EHBP1L1: variants seen among roughly 807,000 people sequenced by gnomAD.
EHBP1L1 encodes the protein EH domain binding protein 1 like 1.
In EHBP1L1, 122 loss-of-function variants were observed where a neutral mutation model predicts 151.1. The observed-to-expected ratio is 0.81, with a 90% CI of 0.70 to 0.94. EHBP1L1 has a LOEUF of 0.94. Among genes scored for constraint, EHBP1L1 ranks in the 40% least tolerant of loss-of-function variants. The pLI is 0.00. For synonymous variants in EHBP1L1, 878 were observed against 810.1 expected, an observed-to-expected ratio of 1.08 and a Z score of -1.42; for missense variants, 1,941 against 1,959.8, an observed-to-expected ratio of 0.99 and a Z score of 0.18.
At chr11:65,587,244 A>T (rs1035706349) in intron 12 of EHBP1L1, among the ~76,000 whole-genome samples, 4 of 152,142 alleles carry the variant, frequency 2.6e-5, no homozygotes, top group Non-Finnish European at 4.4e-5. Context: ...ATGGTGGTAC[A>T]GGCCTGTAGT....
intron 16 of EHBP1L1, 29 bp downstream of exon 16, chr11:65,590,621 A>C (rs1249571687): frequency 1.2e-6 from 2 of 1,600,788 alleles, no homozygotes; most frequent in Non-Finnish European, 1.7e-6. Flanking sequence ...CCAGGAGAGC[A>C]GAGGGACTCT....
Position 65,580,170 on chromosome 11 carries a change from G to A in EHBP1L1, c.402G>A (p.Arg134=). ...AGPVPVQVPV[R]LRLKPKSVKV... ...CCGTGCCTGTCCAAGTCCCAGTGAG[G>A]CTGCGGCTGAAGCCAAAGTCAGTGA... The change falls in exon 5 of 19, where the codon AGG becomes AGA. Residue 134 remains arginine, a synonymous_variant. Coordinates refer to ENST00000309295, the MANE Select transcript of EHBP1L1 (RefSeq NM_001099409.3). 6.2e-7 allele frequency: 1 copy of A among 1,613,582 alleles called. No homozygotes were observed. Among genetic ancestry groups the A allele is most frequent in the South Asian group, 1.1e-5 (1 of 91,084 alleles).
At position 65,576,378 on chromosome 11, in the gene EHBP1L1, G is replaced by C. The variant is rs1043243036; in HGVS notation, c.76G>C (p.Glu26Gln). The C allele has an allele frequency of 5.6e-6, 9 of 1,593,242 alleles. No individual in the cohort carries two copies. Among genetic ancestry groups the C allele is most frequent in the Non-Finnish European group, 7.7e-6 (9 of 1,170,376 alleles). ...AKFQFVACYH[E>Q]LVLECTKKWQ... ...GTTCCAGTTCGTGGCCTGTTACCAC[G>C]AGCTAGTGTTGGAGTGCACCAAGAA... is the stretch of plus-strand genomic sequence containing the variant. The change falls in exon 1 of 19, where the codon GAG (glutamate) becomes CAG (glutamine). Residue 26 changes from glutamate to glutamine, a missense_variant. By Grantham distance (29) the Glu-to-Gln change is conservative (BLOSUM62 2). Coordinates refer to ENST00000309295, the MANE Select transcript of EHBP1L1 (RefSeq NM_001099409.3).
intron 1 of EHBP1L1, among the ~76,000 whole-genome samples, chr11:65,576,759 G>A (rs1590808701): frequency 6.6e-6 from 1 of 152,148 alleles, no homozygotes; most frequent in African/African-American, 2.4e-5. Flanking sequence ...ATCAAGTTTT[G>A]AGGTCTGCAG....
rs1857649310 is a variant in EHBP1L1 at position 65,582,189 on chromosome 11, G to A, written c.1517G>A (p.Arg506Lys). The part of the protein sequence containing the change: ...EGARAAAGQE[R>K]EGAEVRGGAP... The stretch of plus-strand genomic sequence containing the variant: ...GCCAGGGCTGCTGCAGGCCAGGAGA[G>A]AGAGGGTGCAGAAGTGAGGGGTGGA... Residue 506 changes from arginine to lysine, a missense_variant, in exon 9 of 19, where the codon AGA becomes AAA. Physicochemically the swap from Arg to Lys is conservative, Grantham distance 26 (BLOSUM62 2). Transcript: ENST00000309295. The A allele has an allele frequency of 6.4e-7, 1 of 1,556,658 alleles. No individual in the cohort carries two copies. The highest frequency in any genetic ancestry group is 2.0e-5 in the Admixed American group (1 of 50,608).
rs759898126 is a variant in EHBP1L1 at position 65,581,354 on chromosome 11, G to A, written c.847G>A (p.Glu283Lys). 89 of 1,577,204 alleles carry A rather than the reference G, an allele frequency of 5.6e-5. No individual in the cohort carries two copies. The highest frequency in any genetic ancestry group is 7.2e-5 in the Non-Finnish European group (84 of 1,165,276). The change falls in exon 8 of 19, where the codon GAA (glutamate) becomes AAA (lysine). Residue 283 changes from glutamate (E) to lysine (K), a missense_variant. Physicochemically the swap from Glu to Lys is moderately conservative, Grantham distance 56 (BLOSUM62 1). Transcript: ENST00000309295. ...QVGPEAPRPP[E>K]TSPEMRSSRQ... ...AGGCCCTGAGGCCCCAAGGCCCCCG[G>A]AAACCTCACCAGAGATGAGGTGAGC...
Position 65,592,092 on chromosome 11 carries a change from T to G in EHBP1L1, c.4472+2T>G. 1 of 1,612,654 alleles carries G rather than the reference T, an allele frequency of 6.2e-7. No individual in the cohort carries two copies. ...GGACCTGGACCACAAGGAGCGGATGTGAGTGGCGCTGGGCGGCGCTGGGAG... is the reference window on the plus strand; with the variant it reads ...GGACCTGGACCACAAGGAGCGGATGGGAGTGGCGCTGGGCGGCGCTGGGAG... On this transcript the variant is annotated splice_donor_variant, in intron 18 of 18. Coordinates refer to ENST00000309295, the MANE Select transcript of EHBP1L1 (RefSeq NM_001099409.3). LOFTEE classifies it high-confidence loss of function.
At chr11:65,584,878 C>T in intron 11 of EHBP1L1, 81 bp from the exon 12 acceptor site, 2 of 1,487,690 alleles carry the variant, frequency 1.3e-6, no homozygotes, top group South Asian at 2.6e-5. Context: ...CCCGGGGACC[C>T]CCTCCGTGGG....
chr11:65,580,364 C>G lies in EHBP1L1; in HGVS notation c.519C>G (p.Ser173Arg). Reference sequence around the variant, plus strand: ...ACGATGACATGCAGAGTCTCGCAAGCCTCATGAGTGTGAAGCCTAGTGATG... The same window carrying G: ...ACGATGACATGCAGAGTCTCGCAAGGCTCATGAGTGTGAAGCCTAGTGATG... ...ATDDDMQSLA[S>R]LMSVKPSDVG... Residue 173 changes from serine (S) to arginine (R), a missense_variant, in exon 6 of 19, where the codon AGC becomes AGG. Physicochemically the swap from Ser to Arg is moderately radical, Grantham distance 110 (BLOSUM62 -1). Coordinates refer to ENST00000309295, the MANE Select transcript of EHBP1L1 (RefSeq NM_001099409.3). 1 of 1,613,826 alleles carries G rather than the reference C, an allele frequency of 6.2e-7. No homozygotes were observed. The highest frequency in any genetic ancestry group is 8.5e-7 in the Non-Finnish European group (1 of 1,179,856).
At position 65,585,641 on chromosome 11, in the gene EHBP1L1, G is replaced by A; in HGVS notation, c.3933+50G>A. On this transcript the variant is annotated intron_variant, in intron 12 of 18. Transcript: ENST00000309295. This position sits in a 1 kb window ranked among gnomAD's most constrained non-coding sequence, Gnocchi z 4.0. ...TCCCCCGCCGCAGCGCGGGGTCCCG[G>A]GAAGATGGGCAGAGAACGGGCGAGC... 6.5e-7 allele frequency: 1 copy of A among 1,531,202 alleles called. No individual in the cohort carries two copies. The highest frequency in any genetic ancestry group is 1.2e-5 in the South Asian group (1 of 84,110). 94.9% of individuals were successfully genotyped at this position (1,531,202 alleles called of 1,614,324 possible).
rs748009534 is a variant in EHBP1L1 at position 65,582,650 on chromosome 11, G to A, written c.1978G>A (p.Gly660Ser). 5 of 1,613,526 alleles carry A rather than the reference G, an allele frequency of 3.1e-6. No homozygotes were observed. The South Asian group carries it at 4.4e-5, about 14-fold the overall frequency. Reference sequence around the variant, plus strand: ...GGGGACCCAGAAAACAGAAGCTGGGGGTTCAGGAGTTTTGCAGACAAGAAC... The same window carrying A: ...GGGGACCCAGAAAACAGAAGCTGGGAGTTCAGGAGTTTTGCAGACAAGAAC... ...VLGTQKTEAG[G>S]SGVLQTRTTI... Residue 660 changes from glycine (G) to serine (S), a missense_variant, in exon 9 of 19, where the codon GGT (glycine) becomes AGT (serine). By Grantham distance (56) the Gly-to-Ser change is moderately conservative (BLOSUM62 0). Transcript: ENST00000309295.
intron 1 of EHBP1L1, among the ~76,000 whole-genome samples, chr11:65,578,639 G>A (rs535953368): frequency 1.3e-4 from 20 of 152,304 alleles, no homozygotes; most frequent in African/African-American, 4.1e-4. Flanking sequence ...TATGGTGGGC[G>A]CTCCACAAAC....
At chr11:65,578,939 G>C (rs529253205) in intron 1 of EHBP1L1, 139 bp from the exon 2 acceptor site, 51 of 827,112 alleles carry the variant, frequency 6.2e-5, no homozygotes, top group Admixed American at 1.8e-4. Context: ...GGGCTGCCCA[G>C]GCCCTCTTCT....
In EHBP1L1 at chr11:65,590,489, G is replaced by C. The variant is rs763685401; in HGVS notation, c.4184-4G>C. 3.3e-5 allele frequency: 53 copies of C among 1,612,706 alleles called. No homozygotes were observed. Among genetic ancestry groups the C allele is most frequent in the Non-Finnish European group, 4.3e-5 (51 of 1,179,756 alleles). On this transcript the variant is annotated splice_polypyrimidine_tract_variant and splice_region_variant and intron_variant, in intron 15 of 18. Transcript: ENST00000309295. ...GGCCTGGTGACTGTCCCTGTCCAATGCAGGTGCCAACAAGCTGCAGGAGGA... is the reference window on the plus strand; with the variant it reads ...GGCCTGGTGACTGTCCCTGTCCAATCCAGGTGCCAACAAGCTGCAGGAGGA...
chr11:65,581,492 T>C (rs1857607675), intron 8 of EHBP1L1, 47 bp from the exon 9 acceptor site: 3 of 1,423,646 alleles, frequency 2.1e-6, no homozygotes, highest in East Asian at 2.5e-5. Context: ...GTGCTGAGAG[T>C]TGGGGCCAAA....
rs552805455 is a variant in EHBP1L1 at position 65,582,400 on chromosome 11, G to A, written c.1728G>A (p.Val576=). The A allele has an allele frequency of 3.2e-4, 519 of 1,605,072 alleles. 4 individuals are homozygous for A. The South Asian group carries it at 5.2e-3, about 16-fold the overall frequency. The part of the protein sequence containing the change: ...GSGDLETETE[V]VGLEVLGTQE... ...GGGACCTGGAAACAGAGACTGAGGTGGTAGGGTTGGAGGTGCTGGGAACCC... is the reference window on the plus strand; with the variant it reads ...GGGACCTGGAAACAGAGACTGAGGTAGTAGGGTTGGAGGTGCTGGGAACCC... The change falls in exon 9 of 19, where the codon GTG becomes GTA. Residue 576 remains valine, a synonymous_variant. Transcript: ENST00000309295.
intron 12 of EHBP1L1, among the ~76,000 whole-genome samples, chr11:65,586,947 G>A (rs931472799): frequency 2.0e-5 from 3 of 152,218 alleles, no homozygotes; most frequent in Non-Finnish European, 4.4e-5. Flanking sequence ...AGGGCTGGAG[G>A]GGACTCCTCA....
rs1858107723 is a variant in EHBP1L1, at chr11:65,588,816, C to CTG, written c.3934-926_3934-925dup. ...AAAGATCCAGCCAGCCTGGCTTGTCCTGTGTGTGTGAGCATGCAGCAGCCG... is the reference window on the plus strand; with the variant it reads ...AAAGATCCAGCCAGCCTGGCTTGTCCTGTGTGTGTGTGAGCATGCAGCAGCCG... On this transcript the variant is annotated intron_variant, in intron 12 of 18. Transcript: ENST00000309295. Among the ~76,000 whole-genome samples, 4 of 152,170 alleles carry CTG rather than the reference C, an allele frequency of 2.6e-5. 1 individual carries two copies. In the South Asian group the frequency reaches 8.3e-4, roughly 32 times the overall value.
At chr11:65,584,670 C>T (rs1857838732) in intron 11 of EHBP1L1, 136 bp downstream of exon 11, 1 of 1,203,550 alleles carries the variant, frequency 8.3e-7, no homozygotes, top group Non-Finnish European at 1.2e-6. Context: ...CCCCTTTGGT[C>T]ATTAAATTGT....
Sources: allele counts gnomAD v4.1 joint callset (sites outside exome capture counted in the v4.1 genomes callset), GRCh38; gene constraint gnomAD v4.1.1; non-coding constraint Gnocchi (gnomAD v3.1); transcripts MANE v1.5; gene names NCBI Gene and HGNC (gene_info 2026-07-23, HGNC 2026-07-21).